Variants in CWF19L2 observed in about 807,000 individuals in gnomAD.
CWF19L2 encodes the protein CWF19 like cell cycle control factor 2, also known as CWF19-like protein 2.
CWF19L2 carries 98 observed loss-of-function variants against 111.7 expected under a neutral mutation model. That is an observed-to-expected ratio of 0.88 (90% CI 0.75 to 1.04). CWF19L2 has a LOEUF of 1.04. Among genes scored for constraint, CWF19L2 ranks in the 50% least tolerant of loss-of-function variants. The probability of loss-of-function intolerance (pLI) is 0.00; values close to 1 mark genes in which losing one functional copy is unlikely to be tolerated. For missense variants in CWF19L2, 1,101 were observed against 1,051.4 expected, an observed-to-expected ratio of 1.05 and a Z score of -0.65; for synonymous variants, 351 against 342.9, an observed-to-expected ratio of 1.02 and a Z score of -0.26.
At chr11:107,347,857 T>C (rs1261179314) in intron 14 of CWF19L2, among the ~76,000 whole-genome samples, 1 of 152,188 alleles carries the variant, frequency 6.6e-6, no homozygotes, top group Admixed American at 6.6e-5. Flanking sequence ...ATTCCTATAA[T>C]TACTTAAAAT....
At chr11:107,380,070 A>AAAAC (rs1860661055) in intron 12 of CWF19L2, among the ~76,000 whole-genome samples, 3 of 150,300 alleles carry the variant, frequency 2.0e-5, no homozygotes, top group South Asian at 4.2e-4. Flanking sequence ...AAAAAAAAAA[A>AAAAC]AATCAGATAC....
At chr11:107,432,453 T>C (rs1861478091) in intron 7 of CWF19L2, among the ~76,000 whole-genome samples, 1 of 151,976 alleles carries the variant, frequency 6.6e-6, no homozygotes, top group South Asian at 2.1e-4. Context: ...CGTGGTGGTG[T>C]GCTCCTGCAG....
chr11:107,455,598 A>C, intron 2 of CWF19L2, 68 bp downstream of exon 2: 2 of 839,826 alleles, frequency 2.4e-6, no homozygotes, highest in African/African-American at 1.8e-5. Flanking sequence ...TTATTCATCC[A>C]ATATTAACTT....
intron 10 of CWF19L2, among the ~76,000 whole-genome samples, chr11:107,411,089 GCACACACA>G (rs146846176): frequency 0.055 from 8,172 of 148,750 alleles, 240 homozygotes; most frequent in East Asian, 0.11. Context: ...GCGCGTGCGT[GCACACACA>G]CACACACACA....
chr11:107,365,329 C>T (rs1291539704), intron 12 of CWF19L2, among the ~76,000 whole-genome samples: 4 of 102,182 alleles, frequency 3.9e-5, no homozygotes, highest in Non-Finnish European at 7.7e-5. Flanking sequence ...TTTTATGAGG[C>T]CAGCATCATT....
At chr11:107,375,925 A>T (rs1484181202) in intron 12 of CWF19L2, among the ~76,000 whole-genome samples, 2 of 72,170 alleles carry the variant, frequency 2.8e-5, no homozygotes, top group African/African-American at 2.0e-4. Context: ...AAAATGATAA[A>T]GGGGATATCA....
intron 16 of CWF19L2, among the ~76,000 whole-genome samples, chr11:107,330,729 G>GT (rs1232470723): frequency 1.4e-5 from 2 of 145,450 alleles, no homozygotes; most frequent in East Asian, 4.1e-4. Context: ...ACAAATTCTT[G>GT]TTTTCTCTAT....
intron 8 of CWF19L2, among the ~76,000 whole-genome samples, chr11:107,423,940 T>G (rs1861338442): frequency 6.6e-6 from 1 of 150,888 alleles, no homozygotes; most frequent in Non-Finnish European, 1.5e-5. Context: ...AAAAAAAAAG[T>G]ATAAATACCT....
Position 107,349,052 on chromosome 11 carries a change from A to T in CWF19L2, c.2087T>A (p.Val696Asp), listed in dbSNP as rs756802369. The change falls in exon 14 of 18, where the codon GTT becomes GAT. Residue 696 changes from valine to aspartate, a missense_variant and splice_region_variant. Physicochemically the swap from Val to Asp is radical, Grantham distance 152. Coordinates refer to ENST00000282251, the MANE Select transcript of CWF19L2 (RefSeq NM_152434.3). ...CCGTACGTTGGGTAAACATAAATAAACCTATAAGAGAGAAATACAAAAGGT... is the reference window on the plus strand; with the variant it reads ...CCGTACGTTGGGTAAACATAAATAATCCTATAAGAGAGAAATACAAAAGGT... ...KHLIVAIGVK[V>D]YLCLPNVRSL... The T allele has an allele frequency of 1.2e-5, 19 of 1,523,272 alleles. No individual in the cohort carries two copies. The highest frequency in any genetic ancestry group is 1.6e-5 in the Non-Finnish European group (18 of 1,105,334). 94.4% of individuals were successfully genotyped at this position (1,523,272 alleles called of 1,614,324 possible). A position where few individuals can be genotyped will look rare whatever the true frequency, so the allele number is the denominator to read the frequency against.
At chr11:107,416,571 T>A (rs1159560777) in intron 9 of CWF19L2, among the ~76,000 whole-genome samples, 1 of 152,184 alleles carries the variant, frequency 6.6e-6, no homozygotes, top group African/African-American at 2.4e-5. Flanking sequence ...TACATAACCT[T>A]AATGACATTT....
chr11:107,447,754 T>C (rs1011898748), intron 3 of CWF19L2, among the ~76,000 whole-genome samples: 2 of 152,158 alleles, frequency 1.3e-5, no homozygotes, highest in Non-Finnish European at 2.9e-5. Flanking sequence ...GGGTTCAGCA[T>C]CCAATTAAAA....
At chr11:107,332,129 A>T (rs996684544) in intron 16 of CWF19L2, among the ~76,000 whole-genome samples, 1 of 152,234 alleles carries the variant, frequency 6.6e-6, no homozygotes, top group Non-Finnish European at 1.5e-5. Flanking sequence ...GCCTCTGGTA[A>T]ACCCACATTC....
At chr11:107,412,240 C>A (rs1010786515) in intron 10 of CWF19L2, among the ~76,000 whole-genome samples, 1 of 152,164 alleles carries the variant, frequency 6.6e-6, no homozygotes, top group African/African-American at 2.4e-5. Flanking sequence ...AAGATACATG[C>A]CATAGAGAAT....
At chr11:107,441,169 T>TTC (rs1345635016) in intron 5 of CWF19L2, among the ~76,000 whole-genome samples, 2 of 152,140 alleles carry the variant, frequency 1.3e-5, no homozygotes, top group African/African-American at 4.8e-5. Context: ...TTTCTAGATG[T>TTC]CTTGAAATGG....
intron 16 of CWF19L2, among the ~76,000 whole-genome samples, chr11:107,334,031 C>T (rs1859886905): frequency 1.3e-5 from 2 of 152,298 alleles, no homozygotes; most frequent in South Asian, 4.1e-4. Flanking sequence ...TGCATTTACA[C>T]AAACAGGCAG....
intron 12 of CWF19L2, among the ~76,000 whole-genome samples, chr11:107,359,210 A>G (rs1203623347): frequency 2.0e-5 from 3 of 152,204 alleles, no homozygotes; most frequent in Non-Finnish European, 1.5e-5. Flanking sequence ...TCTAGCAGCA[A>G]GGTGAATACA....
At chr11:107,423,695 C>T (rs906497686) in intron 8 of CWF19L2, among the ~76,000 whole-genome samples, 4 of 151,850 alleles carry the variant, frequency 2.6e-5, no homozygotes, top group Non-Finnish European at 5.9e-5. Flanking sequence ...CCAATAGATG[C>T]TTACTATAAA....
chr11:107,332,405 A>G (rs190955143), intron 16 of CWF19L2, among the ~76,000 whole-genome samples: 2 of 152,310 alleles, frequency 1.3e-5, no homozygotes, highest in Non-Finnish European at 2.9e-5. Flanking sequence ...CTGAAAAGAA[A>G]GCAAATGGGC....
rs1368777620 is a variant in CWF19L2 at position 107,375,979 on chromosome 11, C to T, written c.1872+14095G>A. Among the ~76,000 whole-genome samples the T allele has an allele frequency of 5.7e-5, 6 of 104,542 alleles. 1 individual carries two copies. Among genetic ancestry groups the T allele is most frequent in the Admixed American group, 4.5e-4 (5 of 11,220 alleles). 68.6% of individuals were successfully genotyped at this position (104,542 alleles called of 152,430 possible). Reference sequence around the variant, plus strand: ...TACAAACTACCATCAGAGAATACTACAAACACATCTACGCAAATAAACTAG... The same window carrying T: ...TACAAACTACCATCAGAGAATACTATAAACACATCTACGCAAATAAACTAG... On this transcript the variant is annotated intron_variant, in intron 12 of 17. Transcript: ENST00000282251.
Sources: allele counts gnomAD v4.1 joint callset (sites outside exome capture counted in the v4.1 genomes callset), GRCh38; gene constraint gnomAD v4.1.1; transcripts MANE v1.5; gene names NCBI Gene and HGNC (gene_info 2026-07-23, HGNC 2026-07-21).